KCNN3: variants seen among roughly 807,000 people sequenced by gnomAD.
KCNN3 encodes the protein small conductance calcium-activated potassium channel protein 3.
In KCNN3, 16 loss-of-function variants were observed where a neutral mutation model predicts 62.9. That is an observed-to-expected ratio of 0.25 (90% CI 0.17 to 0.39). The LOEUF (loss-of-function observed/expected upper bound fraction) is 0.39, where lower values mean the gene tolerates loss of function less well. KCNN3 is among the 10% of genes least tolerant of loss of function. KCNN3 has a pLI of 1.00. For missense variants in KCNN3, 599 were observed against 949.4 expected (o/e 0.63, Z 4.85); for synonymous variants, 370 against 389.2 (o/e 0.95, Z 0.58).
At chr1:154,721,301 C>CT (rs34172435) in intron 5 of KCNN3, among the ~76,000 whole-genome samples, 1,220 of 117,916 alleles carry the variant, frequency 0.01, 15 homozygotes, top group African/African-American at 0.035. Context: ...TTTTTCTTTC[C>CT]TTTTTTTTTT....
At chr1:154,868,938 ATCTC>A in intron 1 of KCNN3, 90 bp downstream of exon 1, 2 of 931,108 alleles carry the variant, frequency 2.1e-6, no homozygotes, top group Non-Finnish European at 1.6e-6. Context: ...CTCTCTCTCA[ATCTC>A]TCTCTCTCAC....
chr1:154,787,890 G>T (rs922912476), intron 2 of KCNN3, among the ~76,000 whole-genome samples: 26 of 152,222 alleles, frequency 1.7e-4, no homozygotes, highest in Non-Finnish European at 8.8e-5. Flanking sequence ...CTGGCTGCTG[G>T]TAGGTACATC....
chr1:154,719,152 C>G (rs1700294516), intron 5 of KCNN3, among the ~76,000 whole-genome samples: 1 of 152,086 alleles, frequency 6.6e-6, no homozygotes, highest in Non-Finnish European at 1.5e-5. Flanking sequence ...CCAGCAGCCC[C>G]AGGAGCCCTG....
rs193301876 is a variant in KCNN3, at chr1:154,834,778, A to G, written c.934-12594T>C. Among the ~76,000 whole-genome samples, 354 of 152,352 alleles carry G rather than the reference A, an allele frequency of 2.3e-3. 2 individuals are homozygous for G. The highest frequency in any genetic ancestry group is 7.6e-3 in the African/African-American group (316 of 41,578). ...GCACGGAATGATTATACAATTTGCC[A>G]AGATCACACAGCTGAACTGTGGGAG... On this transcript the variant is annotated intron_variant, in intron 1 of 7. Transcript: ENST00000271915.
intron 4 of KCNN3, among the ~76,000 whole-genome samples, chr1:154,730,888 C>A (rs988985849): frequency 1.3e-5 from 2 of 152,178 alleles, no homozygotes; most frequent in Admixed American, 1.3e-4. Flanking sequence ...TGCTGAAAGA[C>A]AAACAGCCTC....
intron 5 of KCNN3, 75 bp from the exon 6 acceptor site, chr1:154,715,078 T>C: frequency 6.5e-7 from 1 of 1,547,072 alleles, no homozygotes; most frequent in Non-Finnish European, 8.9e-7. Context: ...GCTACTGTAG[T>C]CTACCTCATA....
intron 2 of KCNN3, among the ~76,000 whole-genome samples, chr1:154,778,869 T>C (rs1648904700): frequency 6.6e-6 from 1 of 152,120 alleles, no homozygotes; most frequent in Non-Finnish European, 1.5e-5. Context: ...CCCAAAGTGC[T>C]GGGATTACAC....
At chr1:154,842,232 A>G (rs1231605557) in intron 1 of KCNN3, among the ~76,000 whole-genome samples, 1 of 152,158 alleles carries the variant, frequency 6.6e-6, no homozygotes, top group Non-Finnish European at 1.5e-5. Context: ...CACAGTGATC[A>G]TGGCGGCCCC....
At chr1:154,776,851 A>G (rs1003052410) in intron 2 of KCNN3, among the ~76,000 whole-genome samples, 1 of 152,226 alleles carries the variant, frequency 6.6e-6, no homozygotes, top group Non-Finnish European at 1.5e-5. Context: ...CCCCAGGCCA[A>G]GTAATCAGAA....
chr1:154,753,791 C>T (rs1647503389), intron 3 of KCNN3, among the ~76,000 whole-genome samples: 1 of 152,224 alleles, frequency 6.6e-6, no homozygotes, highest in Non-Finnish European at 1.5e-5. Context: ...ACTTCCTAAT[C>T]CCCTGGGAAG....
At chr1:154,735,889 A>T (rs1052271989) in intron 3 of KCNN3, among the ~76,000 whole-genome samples, 1 of 152,184 alleles carries the variant, frequency 6.6e-6, no homozygotes, top group African/African-American at 2.4e-5. Flanking sequence ...TGACTGTGGG[A>T]GGGGACACAG....
intron 2 of KCNN3, among the ~76,000 whole-genome samples, chr1:154,815,309 G>A (rs561355595): frequency 6.6e-6 from 1 of 152,376 alleles, no homozygotes; most frequent in African/African-American, 2.4e-5. Flanking sequence ...TCGGAGGACA[G>A]GCACAGCTTC....
rs1699883381 is a variant in KCNN3, at chr1:154,702,752, C to CT, written c.*5223dup. 1 of 50,456 alleles carries CT rather than the reference C, an allele frequency of 2.0e-5. No homozygotes were observed. Among genetic ancestry groups the CT allele is most frequent in the Non-Finnish European group, 4.5e-5 (1 of 22,424 alleles). The allele number at this position is 50,456 out of a possible 1,614,324, so 3.1% of individuals were successfully genotyped here. ...ATATATATATATATATATATATGTA[C>CT]TTTTTCTTTTTGGCTATAAATGTCA... On this transcript the variant is annotated 3_prime_UTR_variant, in exon 8 of 8. Transcript: ENST00000271915.
chr1:154,737,131 T>G (rs536215686), intron 3 of KCNN3: 3 of 662,286 alleles, frequency 4.5e-6, no homozygotes, highest in South Asian at 4.5e-5. Context: ...CTAAACCTAT[T>G]CACAATTTTA....
intron 1 of KCNN3, among the ~76,000 whole-genome samples, chr1:154,848,086 A>G (rs1652150915): frequency 6.6e-6 from 1 of 152,144 alleles, no homozygotes; most frequent in South Asian, 2.1e-4. Context: ...TGAGTTCCAG[A>G]AGGAGGCCTC....
At chr1:154,726,083 A>G in intron 4 of KCNN3, 57 bp from the exon 5 acceptor site, 2 of 1,335,772 alleles carry the variant, frequency 1.5e-6, no homozygotes, top group Non-Finnish European at 2.1e-6. Context: ...AAGAGGCAAG[A>G]TGAGAGACTC....
At chr1:154,822,444 G>A (rs1373444194) in intron 1 of KCNN3, among the ~76,000 whole-genome samples, 1 of 152,224 alleles carries the variant, frequency 6.6e-6, no homozygotes, top group African/African-American at 2.4e-5. Flanking sequence ...TGGGATGAAC[G>A]CTACTTGGGC....
intron 7 of KCNN3, among the ~76,000 whole-genome samples, chr1:154,710,992 G>T (rs1700062059): frequency 6.6e-6 from 1 of 152,022 alleles, no homozygotes; most frequent in Admixed American, 6.5e-5. Flanking sequence ...CCCATTACTG[G>T]GTATATACCC....
At chr1:154,792,503 T>C (rs1382701508) in intron 2 of KCNN3, among the ~76,000 whole-genome samples, 2 of 152,176 alleles carry the variant, frequency 1.3e-5, no homozygotes, top group Admixed American at 1.3e-4. Flanking sequence ...AGCTGATGGG[T>C]TTATTCAGGT....
Sources: allele counts gnomAD v4.1 joint callset (sites outside exome capture counted in the v4.1 genomes callset), GRCh38; gene constraint gnomAD v4.1.1; transcripts MANE v1.5; gene names NCBI Gene and HGNC (gene_info 2026-07-23, HGNC 2026-07-21).